The following PABPC4 variants were observed in gnomAD, a reference collection of about 807,000 sequenced individuals.
PABPC4 encodes poly(A) binding protein cytoplasmic 4.
Under a neutral mutation model 74.5 loss-of-function variants are expected in PABPC4, and 15 were observed. The observed-to-expected ratio is 0.20, with a 90% CI of 0.13 to 0.31. The LOEUF is 0.31. Ranked by LOEUF, PABPC4 falls within the 10% of genes least tolerant of loss-of-function variation. The pLI is 1.00. For missense variants in PABPC4, 610 were observed against 853.5 expected, an observed-to-expected ratio of 0.71 and a Z score of 3.55; for synonymous variants, 345 against 303.0, an observed-to-expected ratio of 1.14 and a Z score of -1.44.
chr1:39,563,593 A>G (rs756313361), intron 12 of PABPC4, 21 bp downstream of exon 12: 1 of 1,604,164 alleles, frequency 6.2e-7, no homozygotes, highest in South Asian at 1.1e-5. Flanking sequence ...CCTTTTAAGC[A>G]TTCTGTCTGG....
rs1645779422 is a variant in PABPC4 at position 39,562,421 on chromosome 1, G to C, written c.1669-5C>G. On this transcript the variant is annotated splice_polypyrimidine_tract_variant and splice_region_variant and intron_variant, in intron 12 of 15. Transcript: ENST00000372858. ...ATGGACCGCAGGCTGGGGTGCCTGG[G>C]AACCAGGAAAGGCAGTGGGTTAGCA... is the stretch of plus-strand genomic sequence containing the variant. The C allele has an allele frequency of 6.2e-7, 1 of 1,611,812 alleles. No individual in the cohort carries two copies. Among genetic ancestry groups the C allele is most frequent in the South Asian group, 1.1e-5 (1 of 90,900 alleles).
At position 39,569,577 on chromosome 1, in the gene PABPC4, TC is replaced by T; in HGVS notation, c.738+17del. The T allele has an allele frequency of 6.3e-7, 1 of 1,599,524 alleles. No individual in the cohort carries two copies. Among genetic ancestry groups the T allele is most frequent in the Non-Finnish European group, 8.6e-7 (1 of 1,166,730 alleles). ...GCAACCTCTTAAAAGCTTTTCCCAA[TC>T]TTTGTGGTATACTCACCTTATTGGC... On this transcript the variant is annotated intron_variant, in intron 5 of 15. Transcript: ENST00000372858.
At chr1:39,564,072 C>A in intron 10 of PABPC4, 150 bp from the exon 11 acceptor site, 3 of 662,780 alleles carry the variant, frequency 4.5e-6, no homozygotes, top group Non-Finnish European at 7.9e-6. Context: ...GGATAACATA[C>A]AACTCTTTCC....
At chr1:39,569,375 A>G (rs1056587570) in intron 5 of PABPC4, 2 of 579,124 alleles carry the variant, frequency 3.5e-6, no homozygotes, top group Non-Finnish European at 6.2e-6. Context: ...TATTCTTTCA[A>G]CAACTGATAG....
chr1:39,575,716 T>C, intron 1 of PABPC4, 43 bp downstream of exon 1: 1 of 1,456,400 alleles, frequency 6.9e-7, no homozygotes, highest in Non-Finnish European at 9.2e-7. Context: ...ACTCCCGGGG[T>C]CCTCCGGGCT....
intron 5 of PABPC4, 87 bp downstream of exon 5, chr1:39,569,508 C>A (rs1645904803): frequency 1.1e-6 from 1 of 898,972 alleles, no homozygotes; most frequent in East Asian, 2.4e-5. Flanking sequence ...TCAGACCGTC[C>A]CAGCTCTAGG....
chr1:39,571,152 C>T (rs1416115013), intron 3 of PABPC4, 82 bp downstream of exon 3: 25 of 1,603,344 alleles, frequency 1.6e-5, no homozygotes, highest in Non-Finnish European at 2.0e-5. Flanking sequence ...AACCAGTAGC[C>T]GCCTTGTGTG....
In PABPC4 at chr1:39,564,691, G is replaced by A; in HGVS notation, c.1328C>T (p.Pro443Leu). Reference protein sequence around the residue: ...PNPRWQQGGRPQGFQGMPSAI... With the variant: ...PNPRWQQGGRLQGFQGMPSAI... Reference sequence around the variant, plus strand: ...TACTGTTCCCCACCACCTACCTTGAGGTCTCCCACCTTGCTGCCAGCGTGG... The same window carrying A: ...TACTGTTCCCCACCACCTACCTTGAAGTCTCCCACCTTGCTGCCAGCGTGG... Residue 443 changes from proline (P) to leucine (L), a missense_variant, in exon 9 of 16, where the codon CCT becomes CTT. By Grantham distance (98) the Pro-to-Leu change is moderately conservative. Transcript: ENST00000372858. 1 of 1,613,952 alleles carries A rather than the reference G, an allele frequency of 6.2e-7. No homozygotes were observed. The highest frequency in any genetic ancestry group is 8.5e-7 in the Non-Finnish European group (1 of 1,179,906).
intron 12 of PABPC4, chr1:39,562,968 G>A (rs1222357025): frequency 6.5e-6 from 1 of 153,088 alleles, no homozygotes; most frequent in Non-Finnish European, 1.5e-5. Context: ...CAAAGAAAAG[G>A]TATTTTACAT....
chr1:39,575,708 T>C, intron 1 of PABPC4, 51 bp downstream of exon 1: 1 of 1,440,550 alleles, frequency 6.9e-7, no homozygotes, highest in Non-Finnish European at 9.3e-7. Context: ...AGAAGACGAC[T>C]CCCGGGGTCC....
chr1:39,575,446 G>A (rs1024735302), intron 1 of PABPC4, among the ~76,000 whole-genome samples: 1 of 152,216 alleles, frequency 6.6e-6, no homozygotes, highest in Non-Finnish European at 1.5e-5. Flanking sequence ...CAGCCCCACT[G>A]ACAAGGACCA....
chr1:39,571,536 T>G (rs957091521), intron 2 of PABPC4, 187 bp from the exon 3 acceptor site: 2 of 625,190 alleles, frequency 3.2e-6, no homozygotes, highest in Non-Finnish European at 5.7e-6. Context: ...TTTACAAAGG[T>G]AGCCCTACTA....
chr1:39,574,061 C>CAAAATTCCCCAACT (rs1553478412), intron 1 of PABPC4, among the ~76,000 whole-genome samples: 1 of 152,114 alleles, frequency 6.6e-6, no homozygotes, highest in East Asian at 1.9e-4. Context: ...AAAGGGGGGA[C>CAAAATTCCCCAACT]AAAATTCCCC....
rs1285275272 is a variant in PABPC4, at chr1:39,565,836, A to AACAAG, written c.973-459_973-458insCTTGT. On this transcript the variant is annotated intron_variant, in intron 7 of 15. Coordinates refer to ENST00000372858, the MANE Select transcript of PABPC4 (RefSeq NM_001135653.2). The stretch of plus-strand genomic sequence containing the variant: ...GAGCGAGACTCCATCTCCAAAACAA[A>AACAAG]ACAAAACAAAACAAAACAAAACAAA... Among the ~76,000 whole-genome samples, 175 of 143,330 alleles carry AACAAG rather than the reference A, an allele frequency of 1.2e-3. 1 individual carries two copies. The highest frequency in any genetic ancestry group is 4.7e-3 in the African/African-American group (167 of 35,578). The allele number at this position is 143,330 out of a possible 152,430, so 94.0% of individuals were successfully genotyped here.
rs1419533136 is a variant in PABPC4 at position 39,562,354 on chromosome 1, T to G, written c.1731A>C (p.Ala577=). 6.2e-7 allele frequency: 1 copy of G among 1,613,968 alleles called. No homozygotes were observed. ...QEPLTASMLA[A]APPQEQKQML... is the part of the protein sequence containing the mutation. The stretch of plus-strand genomic sequence containing the variant: ...TCTGCTTCTGTTCCTGGGGGGGTGC[T>G]GCAGCCAGCATGGAGGCAGTCAGTG... The change falls in exon 13 of 16, where the codon GCA becomes GCC. Residue 577 remains alanine (A), a synonymous_variant. Transcript: ENST00000372858.
In PABPC4 at chr1:39,568,670, C is replaced by T. The variant is rs1362580061; in HGVS notation, c.876+132G>A. The T allele has an allele frequency of 8.5e-6, 7 of 819,596 alleles. No homozygotes were observed. The East Asian group carries it at 9.8e-5, about 11-fold the overall frequency. 50.8% of individuals were successfully genotyped at this position (819,596 alleles called of 1,614,324 possible). On this transcript the variant is annotated intron_variant, in intron 6 of 15. Coordinates refer to ENST00000372858, the MANE Select transcript of PABPC4 (RefSeq NM_001135653.2). ...GTAGTAGGTATATATCCTTTTAAAC[C>T]TCATCTTTTTAGGTAAAATGGGAAG...
chr1:39,567,564 G>C (rs957003903), intron 7 of PABPC4, 187 bp downstream of exon 7: 4 of 692,794 alleles, frequency 5.8e-6, no homozygotes, highest in Admixed American at 1.8e-5. Flanking sequence ...CAGTGCTTGG[G>C]AAACAGTGTA....
rs1213186008 is a variant in PABPC4, at chr1:39,565,260, T to C, written c.1091A>G (p.Tyr364Cys). 2.5e-6 allele frequency: 4 copies of C among 1,614,114 alleles called. No homozygotes were observed. Among genetic ancestry groups the C allele is most frequent in the African/African-American group, 1.3e-5 (1 of 74,950 alleles). Residue 364 changes from tyrosine to cysteine, a missense_variant, in exon 8 of 16, where the codon TAT becomes TGT. By Grantham distance (194) the Tyr-to-Cys change is radical. Coordinates refer to ENST00000372858, the MANE Select transcript of PABPC4 (RefSeq NM_001135653.2). ...TTCCTTCCTCTGGGCCAGGGCAACA[T>C]ATAGTGGCTTGGAGCCCACAATGCG... ...NGRIVGSKPL[Y>C]VALAQRKEER...
chr1:39,561,602 T>G, intron 15 of PABPC4, 83 bp downstream of exon 15: 1 of 905,882 alleles, frequency 1.1e-6, no homozygotes, highest in Non-Finnish European at 1.8e-6. Flanking sequence ...AGTGAGCATA[T>G]ATACAACCTC....
Sources: allele counts gnomAD v4.1 joint callset (sites outside exome capture counted in the v4.1 genomes callset), GRCh38; gene constraint gnomAD v4.1.1; transcripts MANE v1.5; gene names NCBI Gene and HGNC (gene_info 2026-07-23, HGNC 2026-07-21).